COL24A1: variants seen among roughly 807,000 people sequenced by gnomAD.
COL24A1 encodes collagen alpha-1(XXIV) chain.
Under a neutral mutation model 253.9 loss-of-function variants are expected in COL24A1, and 224 were observed. The ratio of observed to expected loss-of-function variants is 0.88; its 90% CI spans 0.79 to 0.99. The LOEUF (loss-of-function observed/expected upper bound fraction) is 0.99, where lower values mean the gene tolerates loss of function less well. Among genes scored for constraint, COL24A1 ranks in the 50% least tolerant of loss-of-function variants. The pLI is 0.00. For missense variants in COL24A1, 2,131 were observed against 2,068.5 expected (o/e 1.03, Z -0.59); for synonymous variants, 685 against 673.7 (o/e 1.02, Z -0.26).
intron 37 of COL24A1, among the ~76,000 whole-genome samples, chr1:85,859,654 A>G (rs1399329553): frequency 1.3e-5 from 2 of 152,104 alleles, no homozygotes; most frequent in African/African-American, 4.8e-5. Context: ...GGTTTATTTT[A>G]GTGCTTTTCC....
At chr1:85,983,511 T>G (rs1353458542) in intron 20 of COL24A1, among the ~76,000 whole-genome samples, 1 of 151,914 alleles carries the variant, frequency 6.6e-6, no homozygotes, top group Non-Finnish European at 1.5e-5. Context: ...TGTGCCAAAT[T>G]GCTCTGGAAA....
chr1:86,079,325 T>C (rs1000649604), intron 7 of COL24A1, among the ~76,000 whole-genome samples: 1 of 152,120 alleles, frequency 6.6e-6, no homozygotes, highest in Admixed American at 6.5e-5. Flanking sequence ...AAGACTTAAA[T>C]CTAAAACCTC....
chr1:85,946,171 A>G (rs1475150692), intron 24 of COL24A1, among the ~76,000 whole-genome samples: 2 of 152,230 alleles, frequency 1.3e-5, no homozygotes, highest in African/African-American at 4.8e-5. Context: ...AGTAAAAATC[A>G]TGAATACTGA....
chr1:86,134,698 A>C (rs1649922413), intron 2 of COL24A1, among the ~76,000 whole-genome samples: 2 of 117,256 alleles, frequency 1.7e-5, no homozygotes, highest in Non-Finnish European at 3.5e-5. Flanking sequence ...GTTTGACTGC[A>C]CTGTGGCCTG....
chr1:85,878,589 G>A (rs1210047509), intron 32 of COL24A1, among the ~76,000 whole-genome samples: 2 of 152,164 alleles, frequency 1.3e-5, no homozygotes, highest in Non-Finnish European at 2.9e-5. Context: ...ACTCATTTGG[G>A]TAAACACTAA....
At chr1:86,021,556 G>C (rs1283150673) in intron 18 of COL24A1, among the ~76,000 whole-genome samples, 1 of 152,102 alleles carries the variant, frequency 6.6e-6, no homozygotes, top group Non-Finnish European at 1.5e-5. Context: ...TACCAACTTT[G>C]TAGGATTGTT....
intron 55 of COL24A1, among the ~76,000 whole-genome samples, chr1:85,755,367 A>G (rs1666121984): frequency 1.3e-5 from 2 of 152,226 alleles, no homozygotes; most frequent in South Asian, 4.1e-4. Context: ...AATAAAGAGC[A>G]GTAGTAGAAG....
chr1:85,966,163 C>T (rs1691552760), intron 22 of COL24A1, among the ~76,000 whole-genome samples: 1 of 152,028 alleles, frequency 6.6e-6, no homozygotes, highest in Admixed American at 6.6e-5. Context: ...CCAGGAACTG[C>T]TGGCGGGTCA....
intron 24 of COL24A1, among the ~76,000 whole-genome samples, chr1:85,927,531 G>C (rs1202715834): frequency 7.7e-6 from 1 of 129,190 alleles, no homozygotes; most frequent in Non-Finnish European, 1.6e-5. Context: ...GCCCAGGCTT[G>C]CTTAGGTAAA....
chr1:85,909,321 C>A (rs1685148077), intron 26 of COL24A1, among the ~76,000 whole-genome samples: 2 of 151,760 alleles, frequency 1.3e-5, no homozygotes, highest in Non-Finnish European at 3.0e-5. Flanking sequence ...GTATTATGTG[C>A]CACCAGATCC....
chr1:85,785,952 G>T (rs1212643305), intron 48 of COL24A1, among the ~76,000 whole-genome samples: 2 of 152,202 alleles, frequency 1.3e-5, no homozygotes, highest in Non-Finnish European at 2.9e-5. Context: ...AGTCTGTACG[G>T]TTATCAGATT....
intron 37 of COL24A1, among the ~76,000 whole-genome samples, chr1:85,853,493 T>C (rs1678057455): frequency 6.6e-6 from 1 of 152,210 alleles, no homozygotes; most frequent in Admixed American, 6.5e-5. Context: ...TACCCAGTAA[T>C]GGGACTGCTG....
intron 47 of COL24A1, among the ~76,000 whole-genome samples, chr1:85,798,054 G>A (rs1480656965): frequency 6.6e-6 from 1 of 151,908 alleles, no homozygotes; most frequent in Non-Finnish European, 1.5e-5. Flanking sequence ...ATAAATTACG[G>A]AATGTGGTGG....
At chr1:86,105,240 T>A (rs1317048323) in intron 5 of COL24A1, among the ~76,000 whole-genome samples, 10 of 152,040 alleles carry the variant, frequency 6.6e-5, no homozygotes. Context: ...CCAGCTACAG[T>A]GCTATGGCAG....
chr1:86,044,093 G>T (rs12729890), intron 12 of COL24A1, among the ~76,000 whole-genome samples: 15,113 of 151,906 alleles, frequency 0.099, 843 homozygotes, highest in Middle Eastern at 0.2. Flanking sequence ...TACTTTTTTC[G>T]ACATCAAAGA....
intron 21 of COL24A1, among the ~76,000 whole-genome samples, chr1:85,970,936 G>A (rs766285199): frequency 6.6e-6 from 1 of 152,136 alleles, no homozygotes; most frequent in African/African-American, 2.4e-5. Context: ...TTGAAGGCTG[G>A]GTGTAGTGGC....
chr1:85,902,389 A>G (rs1684406923), intron 28 of COL24A1, among the ~76,000 whole-genome samples: 1 of 152,190 alleles, frequency 6.6e-6, no homozygotes, highest in Non-Finnish European at 1.5e-5. Flanking sequence ...CCCCTCGCCA[A>G]TATATCTCTT....
intron 24 of COL24A1, among the ~76,000 whole-genome samples, chr1:85,952,437 C>A (rs990916900): frequency 6.6e-6 from 1 of 152,116 alleles, no homozygotes; most frequent in South Asian, 2.1e-4. Flanking sequence ...TATGTGAGAG[C>A]AACACAATTT....
chr1:86,133,280 A>G (rs1435293379), intron 2 of COL24A1, among the ~76,000 whole-genome samples: 1 of 152,102 alleles, frequency 6.6e-6, no homozygotes, highest in Non-Finnish European at 1.5e-5. Context: ...CTAGATATAC[A>G]ATCATGTCAT....
Sources: gnomAD v4.1 joint callset for allele counts (sites outside exome capture counted in the v4.1 genomes callset) on GRCh38, gnomAD v4.1.1 for gene constraint, MANE v1.5 for transcripts, NCBI Gene and HGNC (gene_info 2026-07-23, HGNC 2026-07-21) for gene names.